Variants in RARB observed in about 807,000 individuals in gnomAD.
RARB encodes the protein HBV-activated protein.
In RARB, 17 loss-of-function variants were observed where a neutral mutation model predicts 51.9. That is an observed-to-expected ratio of 0.33 (90% CI 0.22 to 0.49). The LOEUF is 0.49. Ranked by LOEUF, RARB falls within the 20% of genes least tolerant of loss-of-function variation. The probability of loss-of-function intolerance (pLI) is 0.99; values close to 1 mark genes in which losing one functional copy is unlikely to be tolerated. For missense variants in RARB, 369 were observed against 550.8 expected (o/e 0.67, Z 3.30); for synonymous variants, 215 against 195.4 (o/e 1.10, Z -0.84).
intron 4 of RARB, among the ~76,000 whole-genome samples, chr3:25,147,428 T>A (rs1700210849): frequency 6.6e-6 from 1 of 152,196 alleles, no homozygotes; most frequent in African/African-American, 2.4e-5. Context: ...GGTTACTTCT[T>A]CTAGAGTAGA....
At chr3:25,226,698 T>G (rs937942933) in intron 5 of RARB, among the ~76,000 whole-genome samples, 1 of 152,180 alleles carries the variant, frequency 6.6e-6, no homozygotes, top group Non-Finnish European at 1.5e-5. Flanking sequence ...AAATAGTATC[T>G]CCCTTCACTT....
intron 5 of RARB, among the ~76,000 whole-genome samples, chr3:25,187,245 A>G (rs1701000097): frequency 6.6e-6 from 1 of 152,042 alleles, no homozygotes; most frequent in African/African-American, 2.4e-5. Flanking sequence ...GCATGTTCTG[A>G]ACCCTGTTAA....
intron 3 of RARB, among the ~76,000 whole-genome samples, chr3:25,521,242 G>GTAGAAC (rs1698388949): frequency 6.6e-6 from 1 of 152,124 alleles, no homozygotes; most frequent in African/African-American, 2.4e-5. Flanking sequence ...TCTTGTCACG[G>GTAGAAC]TAGAACTTCC....
At chr3:25,458,704 A>T (rs932388738) in intron 1 of RARB, among the ~76,000 whole-genome samples, 1 of 152,194 alleles carries the variant, frequency 6.6e-6, no homozygotes, top group African/African-American at 2.4e-5. Context: ...ACCAGTAAAG[A>T]CTATAATAGA....
intron 3 of RARB, among the ~76,000 whole-genome samples, chr3:25,093,930 G>A (rs1355951498): frequency 3.3e-5 from 5 of 152,076 alleles, no homozygotes; most frequent in Admixed American, 3.3e-4. Flanking sequence ...AGACTGATTT[G>A]AGTCATAATA....
At chr3:25,208,055 G>T (rs774578471) in intron 5 of RARB, among the ~76,000 whole-genome samples, 3 of 152,032 alleles carry the variant, frequency 2.0e-5, no homozygotes, top group Non-Finnish European at 4.4e-5. Flanking sequence ...GCTACGCACC[G>T]TTAAGCAACC....
intron 5 of RARB, among the ~76,000 whole-genome samples, chr3:25,317,341 A>G (rs558834074): frequency 2.3e-4 from 35 of 152,290 alleles, no homozygotes; most frequent in African/African-American, 8.4e-4. Flanking sequence ...GGACATACAA[A>G]TGGGAAATGT....
At chr3:25,049,162 C>G (rs1002162152) in intron 2 of RARB, among the ~76,000 whole-genome samples, 2 of 152,066 alleles carry the variant, frequency 1.3e-5, no homozygotes, top group African/African-American at 2.4e-5. Flanking sequence ...TAGGCTAGGT[C>G]GAAGTATCTC....
At chr3:25,326,072 T>A (rs1408930594) in intron 5 of RARB, among the ~76,000 whole-genome samples, 1 of 152,050 alleles carries the variant, frequency 6.6e-6, no homozygotes, top group East Asian at 1.9e-4. Context: ...TTAAAGAGAG[T>A]TACCAGTGTG....
intron 3 of RARB, among the ~76,000 whole-genome samples, chr3:25,090,629 C>G (rs995397166): frequency 6.6e-6 from 1 of 152,096 alleles, no homozygotes; most frequent in African/African-American, 2.4e-5. Context: ...CTTTGGGATA[C>G]AGCCCTTAAT....
chr3:25,220,602 T>C (rs1701926230), intron 5 of RARB, among the ~76,000 whole-genome samples: 1 of 152,190 alleles, frequency 6.6e-6, no homozygotes, highest in South Asian at 2.1e-4. Flanking sequence ...GATCTGATGA[T>C]TTTATAAATG....
At chr3:25,033,509 G>A (rs1697918321) in intron 2 of RARB, among the ~76,000 whole-genome samples, 1 of 152,190 alleles carries the variant, frequency 6.6e-6, no homozygotes, top group Non-Finnish European at 1.5e-5. Context: ...GGAAAGCTAA[G>A]AGAAGCTGTG....
chr3:25,042,739 C>T (rs934028833), intron 2 of RARB, among the ~76,000 whole-genome samples: 1 of 152,208 alleles, frequency 6.6e-6, no homozygotes, highest in Non-Finnish European at 1.5e-5. Context: ...TGAGCTCCAG[C>T]ATCCTGTCTG....
chr3:25,425,693 A>C (rs1707969626), upstream of RARB, among the ~76,000 whole-genome samples: 1 of 152,202 alleles, frequency 6.6e-6, no homozygotes, highest in South Asian at 2.1e-4. Flanking sequence ...ACAGAGAGAG[A>C]CACACTAATG....
intron 2 of RARB, among the ~76,000 whole-genome samples, chr3:24,949,463 A>C (rs960371719): frequency 2.0e-5 from 3 of 152,208 alleles, no homozygotes; most frequent in Non-Finnish European, 2.9e-5. Flanking sequence ...TTGTTAAAAT[A>C]ACTAACTTCA....
At chr3:25,464,710 A>G (rs1341103243) in intron 2 of RARB, among the ~76,000 whole-genome samples, 1 of 152,156 alleles carries the variant, frequency 6.6e-6, no homozygotes, top group Non-Finnish European at 1.5e-5. Flanking sequence ...TCAATACAGT[A>G]TAGAATTTAT....
At chr3:24,905,686 T>C (rs536718386) in intron 2 of RARB, among the ~76,000 whole-genome samples, 17 of 152,330 alleles carry the variant, frequency 1.1e-4, no homozygotes, top group African/African-American at 3.6e-4. Flanking sequence ...AGTAGTCATC[T>C]TGAGTGAGAC....
At chr3:25,332,761 G>A (rs866472454) in intron 5 of RARB, among the ~76,000 whole-genome samples, 4 of 152,270 alleles carry the variant, frequency 2.6e-5, no homozygotes, top group Middle Eastern at 3.4e-3. Context: ...TGACATGATT[G>A]TATATTTAGA....
chr3:25,140,363 C>T (rs1016678532), intron 4 of RARB, among the ~76,000 whole-genome samples: 3 of 152,116 alleles, frequency 2.0e-5, no homozygotes, highest in Non-Finnish European at 4.4e-5. Flanking sequence ...GAAGTTGATT[C>T]CAGCCCTCAT....
Sources: gnomAD v4.1 joint callset for allele counts (sites outside exome capture counted in the v4.1 genomes callset) on GRCh38, gnomAD v4.1.1 for gene constraint, MANE v1.5 for transcripts, NCBI Gene and HGNC (gene_info 2026-07-23, HGNC 2026-07-21) for gene names.